The following ST8SIA6 variants were observed in gnomAD, a reference collection of about 807,000 sequenced individuals.
The protein encoded by ST8SIA6 is ST8 alpha-N-acetyl-neuraminide alpha-2,8-sialyltransferase 6.
ST8SIA6 carries 39 observed loss-of-function variants against 33.6 expected under a neutral mutation model. The ratio of observed to expected loss-of-function variants is 1.16; its 90% CI spans 0.90 to 1.52. ST8SIA6 has a LOEUF of 1.52. ST8SIA6 is among the 40% of genes most tolerant of loss of function. The pLI is 0.00. For missense variants in ST8SIA6, 441 were observed against 443.8 expected (o/e 0.99, Z 0.06); for synonymous variants, 172 against 167.2 (o/e 1.03, Z -0.22).
intron 3 of ST8SIA6, among the ~76,000 whole-genome samples, chr10:17,361,093 T>A (rs993731529): frequency 6.6e-6 from 1 of 152,110 alleles, no homozygotes. Context: ...AGAAGGGCTA[T>A]ATTCATAGTG....
chr10:17,391,113 C>T (rs1850588165), intron 2 of ST8SIA6, among the ~76,000 whole-genome samples: 1 of 152,156 alleles, frequency 6.6e-6, no homozygotes, highest in Non-Finnish European at 1.5e-5. Flanking sequence ...CCGCATCAGC[C>T]TCCCAAAGTG....
chr10:17,447,878 G>A (rs377373603), intron 2 of ST8SIA6, among the ~76,000 whole-genome samples: 5 of 151,962 alleles, frequency 3.3e-5, no homozygotes, highest in East Asian at 1.9e-4. Context: ...GCAGTGGAGC[G>A]ATCTTGGTGA....
intron 2 of ST8SIA6, among the ~76,000 whole-genome samples, chr10:17,422,079 A>T (rs148214344): frequency 1.2e-3 from 178 of 152,238 alleles, no homozygotes; most frequent in African/African-American, 4.2e-3. Flanking sequence ...CTAAATCTGC[A>T]TCAATAAAGG....
intron 2 of ST8SIA6, among the ~76,000 whole-genome samples, chr10:17,432,692 A>G (rs921899562): frequency 6.6e-6 from 1 of 152,208 alleles, no homozygotes; most frequent in African/African-American, 2.4e-5. Flanking sequence ...AAAGCAAACT[A>G]AATATGGCCT....
chr10:17,404,332 C>T (rs1450228923), intron 2 of ST8SIA6, among the ~76,000 whole-genome samples: 1 of 152,098 alleles, frequency 6.6e-6, no homozygotes, highest in Non-Finnish European at 1.5e-5. Flanking sequence ...GCCATTCTAC[C>T]TCCCTCATAG....
intron 3 of ST8SIA6, among the ~76,000 whole-genome samples, chr10:17,362,770 G>A (rs1043229062): frequency 6.6e-6 from 1 of 152,078 alleles, no homozygotes; most frequent in Non-Finnish European, 1.5e-5. Flanking sequence ...GGAGTGCAGT[G>A]GTGGGATCTC....
chr10:17,357,497 A>T (rs1225559666), intron 4 of ST8SIA6, among the ~76,000 whole-genome samples: 2 of 152,116 alleles, frequency 1.3e-5, no homozygotes, highest in Admixed American at 6.6e-5. Context: ...GTTCTTTTGA[A>T]AACTGGTTTT....
At chr10:17,418,629 A>G (rs900235205) in intron 2 of ST8SIA6, among the ~76,000 whole-genome samples, 1 of 152,242 alleles carries the variant, frequency 6.6e-6, no homozygotes, top group African/African-American at 2.4e-5. Flanking sequence ...CCTCCAAAGC[A>G]AGAAATGAGG....
At chr10:17,428,985 C>T (rs1313640509) in intron 2 of ST8SIA6, among the ~76,000 whole-genome samples, 1 of 152,086 alleles carries the variant, frequency 6.6e-6, no homozygotes, top group Non-Finnish European at 1.5e-5. Flanking sequence ...GCTGCACCGC[C>T]ACACCCCCTT....
chr10:17,411,497 T>G (rs1345362795), intron 2 of ST8SIA6, among the ~76,000 whole-genome samples: 1 of 152,212 alleles, frequency 6.6e-6, no homozygotes, highest in Admixed American at 6.5e-5. Flanking sequence ...CTTGAACTCT[T>G]GATTGCATGA....
chr10:17,337,153 T>C (rs1469530473), intron 4 of ST8SIA6, among the ~76,000 whole-genome samples: 1 of 130,004 alleles, frequency 7.7e-6, no homozygotes, highest in Non-Finnish European at 1.6e-5. Context: ...CCCTTCTCTC[T>C]CTTCCTCCGG....
intron 2 of ST8SIA6, among the ~76,000 whole-genome samples, chr10:17,395,850 T>G (rs559296320): frequency 4.6e-5 from 7 of 152,208 alleles, no homozygotes; most frequent in Non-Finnish European, 1.0e-4. Context: ...GCCATTACAC[T>G]CCAGCCTGGG....
chr10:17,397,214 C>T (rs1032411532), intron 2 of ST8SIA6, among the ~76,000 whole-genome samples: 64 of 143,318 alleles, frequency 4.5e-4, no homozygotes, highest in African/African-American at 1.3e-3. Flanking sequence ...GGGGTTGTGT[C>T]GTTTGCAAAT....
At chr10:17,448,581 A>G (rs1024374496) in intron 2 of ST8SIA6, among the ~76,000 whole-genome samples, 1 of 150,660 alleles carries the variant, frequency 6.6e-6, no homozygotes, top group Non-Finnish European at 1.5e-5. Flanking sequence ...TTATGGCATT[A>G]TGGCAGGGTT....
At chr10:17,375,260 G>A (rs1324306956) in intron 3 of ST8SIA6, among the ~76,000 whole-genome samples, 1 of 152,176 alleles carries the variant, frequency 6.6e-6, no homozygotes, top group Non-Finnish European at 1.5e-5. Flanking sequence ...AGAAAATCTT[G>A]TCTATGACCA....
chr10:17,375,430 G>A (rs962415921), intron 3 of ST8SIA6, among the ~76,000 whole-genome samples: 12 of 152,168 alleles, frequency 7.9e-5, no homozygotes, highest in African/African-American at 2.9e-4. Flanking sequence ...GTTCTCTCCA[G>A]GATAATAGAG....
intron 3 of ST8SIA6, among the ~76,000 whole-genome samples, chr10:17,371,720 G>A (rs1849738472): frequency 6.7e-6 from 1 of 148,560 alleles, no homozygotes; most frequent in Non-Finnish European, 1.5e-5. Context: ...CAGGAGGCAG[G>A]GGTTGCAGTG....
chr10:17,317,661 C>G lies in ST8SIA6; in HGVS notation c.*3217G>C, dbSNP rs1166550449. ...CCACTTTTCCCAAAGCTTCCTAATT[C>G]ATGGAGTGATTTACGGTACTTGACA... On this transcript the variant is annotated 3_prime_UTR_variant, in exon 8 of 8. Transcript: ENST00000377602. Among the ~76,000 whole-genome samples, 1 of 152,152 alleles carries G rather than the reference C, an allele frequency of 6.6e-6. No homozygotes were observed. The highest frequency in any genetic ancestry group is 6.5e-5 in the Admixed American group (1 of 15,270).
chr10:17,378,631 C>T (rs1445624245), intron 3 of ST8SIA6, among the ~76,000 whole-genome samples: 1 of 152,130 alleles, frequency 6.6e-6, no homozygotes. Flanking sequence ...AAACAACAAA[C>T]AAAACAACAA....
Sources: allele counts gnomAD v4.1 joint callset (sites outside exome capture counted in the v4.1 genomes callset), GRCh38; gene constraint gnomAD v4.1.1; transcripts MANE v1.5; gene names NCBI Gene and HGNC (gene_info 2026-07-23, HGNC 2026-07-21).